BMP7: variants seen among roughly 807,000 people sequenced by gnomAD.
BMP7 encodes the protein osteogenic protein 1.
BMP7 carries 12 observed loss-of-function variants against 41.2 expected under a neutral mutation model. The ratio of observed to expected loss-of-function variants is 0.29; its 90% CI spans 0.19 to 0.47. The LOEUF (loss-of-function observed/expected upper bound fraction) is 0.47, where lower values mean the gene tolerates loss of function less well. Ranked by LOEUF, BMP7 falls within the 20% of genes least tolerant of loss-of-function variation. The probability of loss-of-function intolerance (pLI) is 0.99; values close to 1 mark genes in which losing one functional copy is unlikely to be tolerated. For synonymous variants in BMP7, 248 were observed against 250.0 expected, an observed-to-expected ratio of 0.99 and a Z score of 0.07; for missense variants, 467 against 606.0, an observed-to-expected ratio of 0.77 and a Z score of 2.41.
intron 2 of BMP7, among the ~76,000 whole-genome samples, chr20:57,205,569 C>T (rs112171162): frequency 9.6e-4 from 146 of 152,314 alleles, no homozygotes; most frequent in Middle Eastern, 3.4e-3. Context: ...GCTCCCAAGG[C>T]CCCTGTAGGA....
chr20:57,246,764 G>A (rs1426422229), intron 1 of BMP7, among the ~76,000 whole-genome samples: 1 of 152,158 alleles, frequency 6.6e-6, no homozygotes, highest in African/African-American at 2.4e-5. Flanking sequence ...CGAGGTGGGC[G>A]GATCACCTGA....
At chr20:57,243,115 T>C (rs2066076282) in intron 1 of BMP7, among the ~76,000 whole-genome samples, 1 of 152,218 alleles carries the variant, frequency 6.6e-6, no homozygotes, top group African/African-American at 2.4e-5. Flanking sequence ...CACACTGCTT[T>C]GTAGCACCAA....
chr20:57,245,372 G>C (rs905706153), intron 1 of BMP7, among the ~76,000 whole-genome samples: 1 of 151,972 alleles, frequency 6.6e-6, no homozygotes, highest in Non-Finnish European at 1.5e-5. Flanking sequence ...TAGAGATAGG[G>C]TCTCACTCTG....
chr20:57,249,090 C>T (rs1034702466), intron 1 of BMP7, among the ~76,000 whole-genome samples: 16 of 152,132 alleles, frequency 1.1e-4, no homozygotes, highest in African/African-American at 3.6e-4. Context: ...CATGAGCCAC[C>T]ACGCCCGGCT....
intron 1 of BMP7, among the ~76,000 whole-genome samples, chr20:57,244,594 C>T (rs2066082381): frequency 6.6e-6 from 1 of 152,206 alleles, no homozygotes; most frequent in African/African-American, 2.4e-5. Flanking sequence ...GTTAACCCAC[C>T]TCTGGAAGGC....
chr20:57,226,649 A>G (rs1215280177), intron 2 of BMP7, among the ~76,000 whole-genome samples: 1 of 152,170 alleles, frequency 6.6e-6, no homozygotes, highest in Non-Finnish European at 1.5e-5. Flanking sequence ...GAGTGAGTGC[A>G]CTGTGGGGTT....
chr20:57,174,915 C>A lies in BMP7; in HGVS notation c.1035+16G>T, dbSNP rs768638308. ...CAGAGGGCCCACACCCAAGACAGACCCAGCCAGCCCCTTACCTGCCAGCCC... is the reference window on the plus strand; with the variant it reads ...CAGAGGGCCCACACCCAAGACAGACACAGCCAGCCCCTTACCTGCCAGCCC... On this transcript the variant is annotated intron_variant, in intron 5 of 6. Coordinates refer to ENST00000395863, the MANE Select transcript of BMP7 (RefSeq NM_001719.3). The surrounding 1 kb of genome is among the most constrained non-coding windows in gnomAD (Gnocchi z 4.3). 3.7e-6 allele frequency: 6 copies of A among 1,608,042 alleles called. No individual in the cohort carries two copies. The African/African-American group carries it at 6.7e-5, about 18-fold the overall frequency.
At chr20:57,257,386 T>G (rs1326051719) in intron 1 of BMP7, among the ~76,000 whole-genome samples, 1 of 152,150 alleles carries the variant, frequency 6.6e-6, no homozygotes, top group Admixed American at 6.5e-5. Context: ...ATATTAAAAT[T>G]TAATTTTAAT....
chr20:57,192,383 G>GC (rs1984390411), intron 3 of BMP7, among the ~76,000 whole-genome samples: 1 of 148,184 alleles, frequency 6.7e-6, no homozygotes, highest in Non-Finnish European at 1.5e-5. Context: ...TAACGTAGGT[G>GC]CTCGTGTACA....
chr20:57,219,889 C>A (rs1374606704), intron 2 of BMP7, among the ~76,000 whole-genome samples: 2 of 152,188 alleles, frequency 1.3e-5, no homozygotes, highest in African/African-American at 4.8e-5. Context: ...TGAGGGTGAG[C>A]TTTGGAGAAA....
At chr20:57,193,877 G>A (rs961317710) in intron 3 of BMP7, among the ~76,000 whole-genome samples, 1 of 152,202 alleles carries the variant, frequency 6.6e-6, no homozygotes, top group African/African-American at 2.4e-5. Flanking sequence ...GGCCAGGAAA[G>A]CTGTCTGACC....
At chr20:57,236,730 T>TCAGG in intron 1 of BMP7, among the ~76,000 whole-genome samples, 1 of 148,682 alleles carries the variant, frequency 6.7e-6, no homozygotes, top group East Asian at 2.0e-4. Flanking sequence ...CTCAGAGACC[T>TCAGG]CAGGAAGCAG....
chr20:57,213,861 G>A lies in BMP7; in HGVS notation c.612-11238C>T, dbSNP rs1180498362. The stretch of plus-strand genomic sequence containing the variant: ...CAGGTTCTTTTGTTTGTAAAATGGA[G>A]GTAGCCATGAGGATTGTTCTGAGAA... On this transcript the variant is annotated intron_variant, in intron 2 of 6. Transcript: ENST00000395863. This position sits in a 1 kb window ranked among gnomAD's most constrained non-coding sequence, Gnocchi z 4.4. Among the ~76,000 whole-genome samples, 1 of 152,168 alleles carries A rather than the reference G, an allele frequency of 6.6e-6. No individual in the cohort carries two copies. The highest frequency in any genetic ancestry group is 6.5e-5 in the Admixed American group (1 of 15,272).
At chr20:57,217,253 G>T (rs1985053873) in intron 2 of BMP7, among the ~76,000 whole-genome samples, 1 of 150,348 alleles carries the variant, frequency 6.7e-6, no homozygotes, top group African/African-American at 2.4e-5. Flanking sequence ...CGCTCCCTAA[G>T]CCCACAGCAT....
chr20:57,170,738 G>T lies in BMP7; in HGVS notation c.*221C>A. ...TTGTTTTTTTTTCCTGCTAGGTTTT[G>T]CCTGCACAGCTTGTAGGATCTTGTT... On this transcript the variant is annotated 3_prime_UTR_variant, in exon 7 of 7. Coordinates refer to ENST00000395863, the MANE Select transcript of BMP7 (RefSeq NM_001719.3). 4 of 580,116 alleles carry T rather than the reference G, an allele frequency of 6.9e-6. No homozygotes were observed. The highest frequency in any genetic ancestry group is 3.3e-5 in the East Asian group (1 of 30,062). The allele number at this position is 580,116 out of a possible 1,614,324, so 35.9% of individuals were successfully genotyped here.
intron 1 of BMP7, among the ~76,000 whole-genome samples, chr20:57,246,161 C>T (rs957321438): frequency 6.6e-6 from 1 of 152,166 alleles, no homozygotes; most frequent in Admixed American, 6.5e-5. Flanking sequence ...GTTCTGCACA[C>T]GTTACACCTC....
chr20:57,185,157 C>G (rs1327001994), intron 3 of BMP7, among the ~76,000 whole-genome samples: 4 of 152,174 alleles, frequency 2.6e-5, no homozygotes, highest in African/African-American at 9.7e-5. Flanking sequence ...AGACTGGACC[C>G]AGGGCAGTGG....
chr20:57,243,287 T>C (rs980989232), intron 1 of BMP7, among the ~76,000 whole-genome samples: 3 of 152,160 alleles, frequency 2.0e-5, no homozygotes, highest in African/African-American at 7.2e-5. Flanking sequence ...GAGACCAGCC[T>C]GGCTAATATG....
chr20:57,172,946 T>C (rs184677139), intron 6 of BMP7: 12 of 607,664 alleles, frequency 2.0e-5, no homozygotes, highest in African/African-American at 7.4e-5. Flanking sequence ...AAGGAGCCCA[T>C]ACAACTTTTA....
Sources: allele counts gnomAD v4.1 joint callset (sites outside exome capture counted in the v4.1 genomes callset), GRCh38; gene constraint gnomAD v4.1.1; non-coding constraint Gnocchi (gnomAD v3.1); transcripts MANE v1.5; gene names NCBI Gene and HGNC (gene_info 2026-07-23, HGNC 2026-07-21).